Variants in KIRREL3 observed in about 807,000 individuals in gnomAD.
KIRREL3 encodes the protein kirre like nephrin family adhesion molecule 3.
A neutral mutation model predicts 89.7 loss-of-function variants in KIRREL3; 36 were observed. That is an observed-to-expected ratio of 0.40 (90% confidence interval 0.31 to 0.53). The LOEUF (loss-of-function observed/expected upper bound fraction) is 0.53. KIRREL3 is among the 20% of genes least tolerant of loss of function. KIRREL3 has a pLI of 0.49. For missense variants in KIRREL3, 864 were observed against 1,056.6 expected, an observed-to-expected ratio of 0.82 and a Z score of 2.53; for synonymous variants, 445 against 441.4, an observed-to-expected ratio of 1.01 and a Z score of -0.10.
chr11:126,855,011 G>A (rs533060448), intron 1 of KIRREL3, among the ~76,000 whole-genome samples: 1 of 152,278 alleles, frequency 6.6e-6, no homozygotes, highest in Admixed American at 6.5e-5. Context: ...GAGCTGTTCA[G>A]CCCCAGCCCG....
rs1472323058 is a variant in KIRREL3, at chr11:126,769,093, G to A, written c.56-206181C>T. Among the ~76,000 whole-genome samples, 1 of 152,126 alleles carries A rather than the reference G, an allele frequency of 6.6e-6. No homozygotes were observed. Among genetic ancestry groups the A allele is most frequent in the African/African-American group, 2.4e-5 (1 of 41,426 alleles). On this transcript the variant is annotated intron_variant, in intron 1 of 16. Transcript: ENST00000525144. This position sits in a 1 kb window ranked among gnomAD's most constrained non-coding sequence, Gnocchi z 4.3. ...TTGTTTACCTGTCAGACTCCTCGGG[G>A]CCTTTGAGCTCTAAGTCAGGTATCT...
intron 4 of KIRREL3, among the ~76,000 whole-genome samples, chr11:126,504,729 A>G (rs898158292): frequency 6.6e-6 from 1 of 152,248 alleles, no homozygotes; most frequent in African/African-American, 2.4e-5. Flanking sequence ...ACTATTGTCC[A>G]TCATGAATTT....
At position 126,941,988 on chromosome 11, in the gene KIRREL3, A is replaced by C. The variant is rs77848945; in HGVS notation, c.55+58467T>G. 1.4e-4 allele frequency among the ~76,000 whole-genome samples: 21 copies of C among 152,340 alleles called. No individual in the cohort carries two copies. The East Asian group carries it at 4.1e-3, about 29-fold the overall frequency. ...TATGCCAGTCTGAAAAGAACAAAGG[A>C]GCAGGGTTCAGAAGAACTGGCCTTT... On this transcript the variant is annotated intron_variant, in intron 1 of 16. Transcript: ENST00000525144.
Position 126,429,043 on chromosome 11 carries a change from T to C in KIRREL3, c.1806+136A>G. The stretch of plus-strand genomic sequence containing the variant: ...GTTGGCTGAGAGTGTGTGCCTCACC[T>C]ATTGTGGGGTGGGCAGGGGGCATCT... On this transcript the variant is annotated intron_variant, in intron 15 of 16. Transcript: ENST00000525144. This position sits in a 1 kb window ranked among gnomAD's most constrained non-coding sequence, Gnocchi z 5.2. The C allele has an allele frequency of 1.6e-6, 1 of 623,182 alleles. No individual in the cohort carries two copies. Among genetic ancestry groups the C allele is most frequent in the Admixed American group, 2.6e-5 (1 of 37,848 alleles). 38.6% of individuals were successfully genotyped at this position (623,182 alleles called of 1,614,324 possible).
intron 1 of KIRREL3, among the ~76,000 whole-genome samples, chr11:126,863,929 G>A (rs1436820606): frequency 6.6e-6 from 1 of 152,204 alleles, no homozygotes; most frequent in Non-Finnish European, 1.5e-5. Context: ...AGGGGGCCAG[G>A]AACAAGTTCT....
intron 1 of KIRREL3, among the ~76,000 whole-genome samples, chr11:126,820,199 TAG>T (rs1352657669): frequency 1.3e-5 from 2 of 152,128 alleles, no homozygotes; most frequent in Non-Finnish European, 2.9e-5. Flanking sequence ...GCACATAGTT[TAG>T]AGAGAATGCT....
chr11:126,808,977 C>G lies in KIRREL3; in HGVS notation c.55+191478G>C, dbSNP rs915340724. Reference sequence around the variant, plus strand: ...AAAATCTCTTGTTCTTTTCTTTCCCCCAAAAAACAAATGCAACTATTCTGT... The same window carrying G: ...AAAATCTCTTGTTCTTTTCTTTCCCGCAAAAAACAAATGCAACTATTCTGT... On this transcript the variant is annotated intron_variant, in intron 1 of 16. Coordinates refer to ENST00000525144, the MANE Select transcript of KIRREL3 (RefSeq NM_032531.4). This position sits in a 1 kb window ranked among gnomAD's most constrained non-coding sequence, Gnocchi z 4.1. 5.3e-5 allele frequency among the ~76,000 whole-genome samples: 8 copies of G among 152,092 alleles called. No homozygotes were observed. The highest frequency in any genetic ancestry group is 1.0e-4 in the Non-Finnish European group (7 of 68,020).
chr11:126,585,739 C>A (rs946327696), intron 1 of KIRREL3, among the ~76,000 whole-genome samples: 1 of 152,116 alleles, frequency 6.6e-6, no homozygotes, highest in African/African-American at 2.4e-5. Context: ...CACTCTACGC[C>A]GGTGTCTGTT....
intron 2 of KIRREL3, among the ~76,000 whole-genome samples, chr11:126,536,591 C>G (rs1937897989): frequency 6.7e-6 from 1 of 149,610 alleles, no homozygotes; most frequent in South Asian, 2.1e-4. Flanking sequence ...TGCCCTGGAG[C>G]CTGATGTGGG....
At chr11:126,886,407 A>T (rs1945698064) in intron 1 of KIRREL3, among the ~76,000 whole-genome samples, 1 of 152,222 alleles carries the variant, frequency 6.6e-6, no homozygotes, top group Admixed American at 6.5e-5. Flanking sequence ...ACCAGCGCTA[A>T]TAAAAAAATA....
rs933743059 is a variant in KIRREL3 at position 126,715,204 on chromosome 11, G to T, written c.56-152292C>A. Among the ~76,000 whole-genome samples the T allele has an allele frequency of 6.6e-6, 1 of 152,226 alleles. No individual in the cohort carries two copies. The highest frequency in any genetic ancestry group is 1.5e-5 in the Non-Finnish European group (1 of 68,038). ...CTTTCAAGGGAACTGTGTAGAGGAA[G>T]AAATCAGTTGAGAAAAACAGTCTTG... On this transcript the variant is annotated intron_variant, in intron 1 of 16. Coordinates refer to ENST00000525144, the MANE Select transcript of KIRREL3 (RefSeq NM_032531.4). This position sits in a 1 kb window ranked among gnomAD's most constrained non-coding sequence, Gnocchi z 4.4.
In KIRREL3 at chr11:126,490,203, TGTG is replaced by T. The variant is rs1957473882; in HGVS notation, c.434-16740_434-16738del. ...TTGCATTTGGCTTTGGAATGCATTGTGTGTGTGTGTGTGTGTGTGTGTGTGTGG... is the reference window on the plus strand; with the variant it reads ...TTGCATTTGGCTTTGGAATGCATTGTTGTGTGTGTGTGTGTGTGTGTGTGG... On this transcript the variant is annotated intron_variant, in intron 4 of 16. Coordinates refer to ENST00000525144, the MANE Select transcript of KIRREL3 (RefSeq NM_032531.4). The surrounding 1 kb of genome is among the most constrained non-coding windows in gnomAD (Gnocchi z 4.2). Among the ~76,000 whole-genome samples, 1 of 12,536 alleles carries T rather than the reference TGTG, an allele frequency of 8.0e-5. No individual in the cohort carries two copies. Among genetic ancestry groups the T allele is most frequent in the African/African-American group, 1.5e-4 (1 of 6,518 alleles). The allele number at this position is 12,536 out of a possible 152,430, so 8.2% of individuals were successfully genotyped here.
Position 126,669,659 on chromosome 11 carries a change from G to A in KIRREL3, c.56-106747C>T, listed in dbSNP as rs1945846900. Among the ~76,000 whole-genome samples, 1 of 152,112 alleles carries A rather than the reference G, an allele frequency of 6.6e-6. No homozygotes were observed. The highest frequency in any genetic ancestry group is 6.5e-5 in the Admixed American group (1 of 15,272). On this transcript the variant is annotated intron_variant, in intron 1 of 16. Transcript: ENST00000525144. This position sits in a 1 kb window ranked among gnomAD's most constrained non-coding sequence, Gnocchi z 5.0. ...CCCAGTCAGCCAGTAAATGTTGGAG[G>A]ACTCCTGCACTTCCTCGTGGGCTTT...
chr11:126,570,813 C>T lies in KIRREL3; in HGVS notation c.56-7901G>A, dbSNP rs774471864. 7.9e-5 allele frequency among the ~76,000 whole-genome samples: 12 copies of T among 152,198 alleles called. No homozygotes were observed. The highest frequency in any genetic ancestry group is 1.6e-4 in the Non-Finnish European group (11 of 68,042). ...TGTGCCTGCAGGAAATCTACATGCCCATGTGGTCATCTATCCTTCGGCTTC... is the reference window on the plus strand; with the variant it reads ...TGTGCCTGCAGGAAATCTACATGCCTATGTGGTCATCTATCCTTCGGCTTC... On this transcript the variant is annotated intron_variant, in intron 1 of 16. Transcript: ENST00000525144. The surrounding 1 kb of genome is among the most constrained non-coding windows in gnomAD (Gnocchi z 6.1).
chr11:126,776,511 A>G lies in KIRREL3; in HGVS notation c.56-213599T>C. ...GTGCTGCAGGACACTGGCTGCAGAC[A>G]GGTCTCTACTAGGTGTCAGAGCCGT... is the stretch of plus-strand genomic sequence containing the variant. On this transcript the variant is annotated intron_variant, in intron 1 of 16. Transcript: ENST00000525144. This position sits in a 1 kb window ranked among gnomAD's most constrained non-coding sequence, Gnocchi z 4.7. 6.6e-6 allele frequency among the ~76,000 whole-genome samples: 1 copy of G among 152,172 alleles called. No individual in the cohort carries two copies. Among genetic ancestry groups the G allele is most frequent in the East Asian group, 1.9e-4 (1 of 5,180 alleles).
chr11:126,904,752 G>T lies in KIRREL3; in HGVS notation c.55+95703C>A, dbSNP rs551534662. On this transcript the variant is annotated intron_variant, in intron 1 of 16. Coordinates refer to ENST00000525144, the MANE Select transcript of KIRREL3 (RefSeq NM_032531.4). The surrounding 1 kb of genome is among the most constrained non-coding windows in gnomAD (Gnocchi z 4.4). The stretch of plus-strand genomic sequence containing the variant: ...TAATGTACATATTTAATCTTGTCTC[G>T]TCTATTTTTATCCTATGTTCACTCA... Among the ~76,000 whole-genome samples the T allele has an allele frequency of 1.3e-5, 2 of 152,114 alleles. No individual in the cohort carries two copies. Among genetic ancestry groups the T allele is most frequent in the Admixed American group, 6.5e-5 (1 of 15,268 alleles).
intron 1 of KIRREL3, among the ~76,000 whole-genome samples, chr11:126,604,958 G>A (rs1414615706): frequency 1.3e-5 from 2 of 152,354 alleles, no homozygotes; most frequent in Non-Finnish European, 2.9e-5. Context: ...CTTAGGAGGA[G>A]CAAATGAAAC....
intron 1 of KIRREL3, among the ~76,000 whole-genome samples, chr11:126,823,651 T>G (rs568566396): frequency 6.6e-6 from 1 of 152,182 alleles, no homozygotes; most frequent in African/African-American, 2.4e-5. Context: ...CTTGGATAAA[T>G]AGGGAGAAAT....
Position 126,431,598 on chromosome 11 carries a change from G to GCAGGAACGGGGTGAGA in KIRREL3, c.1589-73_1589-72insTCTCACCCCGTTCCTG. Reference sequence around the variant, plus strand: ...TACTATCCCCCCATGATCTCACCCCGTTCCTGCGGGGGCAGCCCCTGCCAC... The same window carrying GCAGGAACGGGGTGAGA: ...TACTATCCCCCCATGATCTCACCCCGCAGGAACGGGGTGAGATTCCTGCGGGGGCAGCCCCTGCCAC... On this transcript the variant is annotated intron_variant, in intron 13 of 16. Coordinates refer to ENST00000525144, the MANE Select transcript of KIRREL3 (RefSeq NM_032531.4). The surrounding 1 kb of genome is among the most constrained non-coding windows in gnomAD (Gnocchi z 7.1). 1 of 1,444,986 alleles carries GCAGGAACGGGGTGAGA rather than the reference G, an allele frequency of 6.9e-7. No individual in the cohort carries two copies. Among genetic ancestry groups the GCAGGAACGGGGTGAGA allele is most frequent in the Non-Finnish European group, 9.5e-7 (1 of 1,052,938 alleles). 89.5% of individuals were successfully genotyped at this position (1,444,986 alleles called of 1,614,324 possible). A position where few individuals can be genotyped will look rare whatever the true frequency, so the allele number is the denominator to read the frequency against.
Sources: allele counts gnomAD v4.1 joint callset (sites outside exome capture counted in the v4.1 genomes callset), GRCh38; gene constraint gnomAD v4.1.1; non-coding constraint Gnocchi (gnomAD v3.1); transcripts MANE v1.5; gene names NCBI Gene and HGNC (gene_info 2026-07-23, HGNC 2026-07-21).